PCSK5: variants seen among roughly 807,000 people sequenced by gnomAD.
The protein encoded by PCSK5 is proprotein convertase subtilisin/kexin type 5.
Under a neutral mutation model 233.2 loss-of-function variants are expected in PCSK5, and 129 were observed. That is an observed-to-expected ratio of 0.55 (90% CI 0.48 to 0.64). The LOEUF (loss-of-function observed/expected upper bound fraction) is 0.64. Ranked by LOEUF, PCSK5 falls within the 30% of genes least tolerant of loss-of-function variation. PCSK5 has a pLI of 0.00. For synonymous variants in PCSK5, 825 were observed against 879.2 expected, an observed-to-expected ratio of 0.94 and a Z score of 1.09; for missense variants, 2,076 against 2,430.1, an observed-to-expected ratio of 0.85 and a Z score of 3.06.
At chr9:76,345,187 T>A (rs1472174587) in intron 35 of PCSK5, among the ~76,000 whole-genome samples, 2 of 117,284 alleles carry the variant, frequency 1.7e-5, no homozygotes, top group Non-Finnish European at 3.6e-5. Context: ...ATTTTATTAT[T>A]TTATTTTATT....
intron 10 of PCSK5, among the ~76,000 whole-genome samples, chr9:76,150,507 C>A (rs1303480188): frequency 1.3e-5 from 2 of 152,174 alleles, no homozygotes; most frequent in Non-Finnish European, 2.9e-5. Flanking sequence ...GTGGCACATG[C>A]TTGTAATCCC....
intron 24 of PCSK5, among the ~76,000 whole-genome samples, chr9:76,259,024 C>T (rs1827073457): frequency 6.6e-6 from 1 of 152,152 alleles, no homozygotes; most frequent in Non-Finnish European, 1.5e-5. Context: ...AGAGCTATGC[C>T]CAATTAACAA....
At chr9:75,929,764 T>C (rs1006602580) in intron 1 of PCSK5, among the ~76,000 whole-genome samples, 4 of 151,812 alleles carry the variant, frequency 2.6e-5, no homozygotes, top group African/African-American at 9.7e-5. Context: ...CCCACAATCA[T>C]GGAGGAGGGT....
intron 10 of PCSK5, among the ~76,000 whole-genome samples, chr9:76,142,389 C>A (rs1268819262): frequency 6.6e-6 from 1 of 151,874 alleles, no homozygotes; most frequent in Non-Finnish European, 1.5e-5. Context: ...TGAACAGAAA[C>A]CCTGAAGAAT....
At chr9:76,007,499 A>C (rs1201408543) in intron 3 of PCSK5, among the ~76,000 whole-genome samples, 1 of 152,156 alleles carries the variant, frequency 6.6e-6, no homozygotes, top group Non-Finnish European at 1.5e-5. Flanking sequence ...TCCTAGTTCA[A>C]AAGAACAATA....
Position 76,358,958 on chromosome 9 carries a change from T to G in PCSK5, c.*36T>G, listed in dbSNP as rs761087819. 6.4e-7 allele frequency: 1 copy of G among 1,572,418 alleles called. No homozygotes were observed. The highest frequency in any genetic ancestry group is 8.7e-7 in the Non-Finnish European group (1 of 1,148,206). ...CCCCACCAACACCACCATTCCACTC[T>G]CAGGCATGCCTGTGAGCATCACTGT... On this transcript the variant is annotated 3_prime_UTR_variant, in exon 38 of 38. Coordinates refer to ENST00000674117, the MANE Select transcript of PCSK5 (RefSeq NM_001372043.1).
At chr9:76,244,480 A>T (rs1455598411) in intron 24 of PCSK5, among the ~76,000 whole-genome samples, 3 of 151,660 alleles carry the variant, frequency 2.0e-5, no homozygotes, top group Non-Finnish European at 4.4e-5. Flanking sequence ...GACGATCTCT[A>T]GGGGAGTCAG....
intron 5 of PCSK5, among the ~76,000 whole-genome samples, chr9:76,043,438 G>A (rs1287071043): frequency 1.3e-5 from 2 of 151,116 alleles, no homozygotes; most frequent in African/African-American, 2.4e-5. Flanking sequence ...TTCATGGAAA[G>A]AAAATGTTGC....
intron 2 of PCSK5, among the ~76,000 whole-genome samples, chr9:75,950,141 GT>G (rs756363060): frequency 1.4e-3 from 91 of 65,690 alleles, no homozygotes; most frequent in African/African-American, 2.1e-3. Flanking sequence ...TTGTGTGTGT[GT>G]GTGGGGGGGG....
chr9:76,301,859 GT>G (rs966996633), intron 27 of PCSK5, among the ~76,000 whole-genome samples: 12 of 151,794 alleles, frequency 7.9e-5, no homozygotes, highest in Admixed American at 7.9e-4. Context: ...AAAAAATGAT[GT>G]TTACAAGGAA....
intron 9 of PCSK5, among the ~76,000 whole-genome samples, chr9:76,126,085 A>C (rs1378036311): frequency 6.6e-6 from 1 of 152,174 alleles, no homozygotes; most frequent in African/African-American, 2.4e-5. Flanking sequence ...TATTTTCCTC[A>C]TAGTCACATT....
intron 24 of PCSK5, among the ~76,000 whole-genome samples, chr9:76,291,277 G>A (rs1479023341): frequency 6.6e-6 from 1 of 152,186 alleles, no homozygotes; most frequent in East Asian, 1.9e-4. Context: ...GAAAAAACCA[G>A]AAGAGGGCAG....
intron 10 of PCSK5, among the ~76,000 whole-genome samples, chr9:76,150,881 G>A (rs1311567201): frequency 6.6e-6 from 1 of 152,074 alleles, no homozygotes; most frequent in African/African-American, 2.4e-5. Context: ...GAGCGTTCTG[G>A]CTTTCCACTA....
chr9:76,071,358 A>G (rs1317628810), intron 6 of PCSK5, among the ~76,000 whole-genome samples: 2 of 152,186 alleles, frequency 1.3e-5, no homozygotes, highest in African/African-American at 4.8e-5. Context: ...TTTTATATCA[A>G]TTATGAACAC....
At chr9:76,000,433 C>T (rs891197762) in intron 3 of PCSK5, among the ~76,000 whole-genome samples, 4 of 152,138 alleles carry the variant, frequency 2.6e-5, no homozygotes, top group Non-Finnish European at 5.9e-5. Context: ...TTAGCAGCTG[C>T]CATCACCTAG....
chr9:76,198,070 A>C (rs1258495786), intron 20 of PCSK5, among the ~76,000 whole-genome samples: 1 of 152,230 alleles, frequency 6.6e-6, no homozygotes, highest in East Asian at 1.9e-4. Flanking sequence ...TTGAGCAATA[A>C]AGATGCAGTT....
chr9:76,098,857 C>T (rs1257934963), intron 8 of PCSK5, among the ~76,000 whole-genome samples: 2 of 152,142 alleles, frequency 1.3e-5, no homozygotes, highest in African/African-American at 4.8e-5. Context: ...CTGGGGCCTT[C>T]GTCATTGTTT....
intron 30 of PCSK5, among the ~76,000 whole-genome samples, chr9:76,319,250 G>A (rs1231117896): frequency 3.3e-5 from 5 of 152,090 alleles, no homozygotes; most frequent in African/African-American, 1.2e-4. Context: ...GGATCACGAG[G>A]TCAAGAGATC....
intron 5 of PCSK5, among the ~76,000 whole-genome samples, chr9:76,054,990 T>C (rs1489142655): frequency 3.3e-5 from 5 of 152,346 alleles, no homozygotes; most frequent in Non-Finnish European, 7.3e-5. Context: ...TGAAATATAC[T>C]TTTCATTTTT....
Sources: allele counts gnomAD v4.1 joint callset (sites outside exome capture counted in the v4.1 genomes callset), GRCh38; gene constraint gnomAD v4.1.1; transcripts MANE v1.5; gene names NCBI Gene and HGNC (gene_info 2026-07-23, HGNC 2026-07-21).